The following TYK2 variants were observed in gnomAD, a reference collection of about 807,000 sequenced individuals.
TYK2 encodes the protein non-receptor tyrosine-protein kinase TYK2.
TYK2 carries 65 observed loss-of-function variants against 130.9 expected under a neutral mutation model. The ratio of observed to expected loss-of-function variants is 0.50; its 90% CI spans 0.41 to 0.61. The LOEUF (loss-of-function observed/expected upper bound fraction) is 0.61. Ranked by LOEUF, TYK2 falls within the 20% of genes least tolerant of loss-of-function variation. TYK2 has a pLI of 0.00. For synonymous variants in TYK2, 647 were observed against 658.9 expected (o/e 0.98, Z 0.28); for missense variants, 1,378 against 1,610.7 (o/e 0.86, Z 2.47).
rs1275439476 is a variant in TYK2, at chr19:10,365,585, C to T, written c.943G>A (p.Glu315Lys). 9.9e-6 allele frequency: 16 copies of T among 1,614,114 alleles called. No homozygotes were observed. Among genetic ancestry groups the T allele is most frequent in the South Asian group, 2.2e-5 (2 of 91,082 alleles). Reference sequence around the variant, plus strand: ...CCACCAGTGCCTGTCACCAGCACCTCGTGGGTTGGGGGCCCAGCAGCAGAC... The same window carrying T: ...CCACCAGTGCCTGTCACCAGCACCTTGTGGGTTGGGGGCCCAGCAGCAGAC... Reference protein sequence around the residue: ...PESAAGPPTHEVLVTGTGGIQ... With the variant: ...PESAAGPPTHKVLVTGTGGIQ... Residue 315 changes from glutamate (E) to lysine (K), a missense_variant, in exon 7 of 25, where the codon GAG becomes AAG. Transcript: ENST00000525621.
intron 6 of TYK2, 30 bp from the exon 7 acceptor site, chr19:10,365,928 A>G: frequency 6.3e-7 from 1 of 1,578,650 alleles, no homozygotes; most frequent in Non-Finnish European, 8.6e-7. Flanking sequence ...GGGGCTGGTC[A>G]GGGACCTGGG....
At position 10,368,476 on chromosome 19, in the gene TYK2, A is replaced by AGACCCCCCAGACCCACT. The variant is rs1320624578; in HGVS notation, c.194-59_194-58insAGTGGGTCTGGGGGGTC. On this transcript the variant is annotated intron_variant, in intron 3 of 24. Transcript: ENST00000525621. The stretch of plus-strand genomic sequence containing the variant: ...CGTCATTTGCTACCGTCAGCCCCAA[A>AGACCCCCCAGACCCACT]GACCCCCCAGACCCAATGTCTGCCT... 48 of 1,610,764 alleles carry AGACCCCCCAGACCCACT rather than the reference A, an allele frequency of 3.0e-5. 1 individual carries two copies. The African/African-American group carries it at 3.6e-4, about 12-fold the overall frequency.
At chr19:10,352,656 T>C (rs1401759896) in intron 22 of TYK2, 105 bp from the exon 23 acceptor site, 3 of 743,626 alleles carry the variant, frequency 4.0e-6, no homozygotes, top group Non-Finnish European at 2.3e-6. Flanking sequence ...CTGGGCTCAG[T>C]TGGGACCCAC....
At position 10,352,550 on chromosome 19, in the gene TYK2, A is replaced by G; in HGVS notation, c.3202T>C (p.Tyr1068His). The change falls in exon 23 of 25, where the codon TAT becomes CAT. Residue 1068 changes from tyrosine to histidine, a missense_variant and splice_region_variant. By Grantham distance (83) the Tyr-to-His change is moderately conservative. Coordinates refer to ENST00000525621, the MANE Select transcript of TYK2 (RefSeq NM_003331.5). ...REDGDSPVFWYAPECLKEYKF... is the reference protein window; with the variant it reads ...REDGDSPVFWHAPECLKEYKF... ...TACTCCTTCAGGCACTCTGGGGCAT[A>G]CCTAGGGGGAGGGGGGCACTCAGGC... 7.6e-7 allele frequency: 1 copy of G among 1,307,268 alleles called. No homozygotes were observed. Among genetic ancestry groups the G allele is most frequent in the Non-Finnish European group, 1.0e-6 (1 of 969,964 alleles). The allele number at this position is 1,307,268 out of a possible 1,614,324, so 81.0% of individuals were successfully genotyped here. A position where few individuals can be genotyped will look rare whatever the true frequency, so the allele number is the denominator to read the frequency against.
chr19:10,357,893 C>T lies in TYK2; in HGVS notation c.2337G>A (p.Leu779=). ...CCCCACCTGGTAGGCATTCGGGGGCCAGCCAGGGGATCCTCTCCACCCGCT... is the reference window on the plus strand; with the variant it reads ...CCCCACCTGGTAGGCATTCGGGGGCTAGCCAGGGGATCCTCTCCACCCGCT... ...REERVERIPW[L]APECLPGGAN... is the part of the protein sequence containing the mutation. Residue 779 remains leucine (L), a synonymous_variant, in exon 17 of 25, where the codon CTG becomes CTA. Coordinates refer to ENST00000525621, the MANE Select transcript of TYK2 (RefSeq NM_003331.5). 1 of 1,613,554 alleles carries T rather than the reference C, an allele frequency of 6.2e-7. No homozygotes were observed. Among genetic ancestry groups the T allele is most frequent in the Non-Finnish European group, 8.5e-7 (1 of 1,180,034 alleles).
chr19:10,370,413 T>C (rs1038418224), intron 3 of TYK2, among the ~76,000 whole-genome samples: 12 of 145,812 alleles, frequency 8.2e-5, no homozygotes, highest in African/African-American at 3.1e-4. Context: ...ACTCCGGAGG[T>C]TGACGCAGGA....
intron 3 of TYK2, among the ~76,000 whole-genome samples, chr19:10,372,478 ATATATATTT>A (rs2041953672): frequency 1.6e-5 from 1 of 64,386 alleles, no homozygotes; most frequent in African/African-American, 1.0e-4. Context: ...ATATATATAT[ATATATATTT>A]TTTTTTTTTT....
At position 10,361,075 on chromosome 19, in the gene TYK2, T is replaced by A; in HGVS notation, c.2047+436A>T. 1 of 468,196 alleles carries A rather than the reference T, an allele frequency of 2.1e-6. No individual in the cohort carries two copies. The highest frequency in any genetic ancestry group is 1.6e-5 in the South Asian group (1 of 63,816). 29.0% of individuals were successfully genotyped at this position (468,196 alleles called of 1,614,324 possible). ...CCTATACAAGGAGTTTTGAGCTACC[T>A]GCAGAGGAAAGGAAGAGGTGGGGTT... On this transcript the variant is annotated intron_variant, in intron 14 of 24. Coordinates refer to ENST00000525621, the MANE Select transcript of TYK2 (RefSeq NM_003331.5). The surrounding 1 kb of genome is among the most constrained non-coding windows in gnomAD (Gnocchi z 4.0).
At position 10,367,926 on chromosome 19, in the gene TYK2, A is replaced by AT. The variant is rs2041741232; in HGVS notation, c.465+128_465+129insA. The AT allele has an allele frequency of 6.1e-6, 7 of 1,154,354 alleles. No homozygotes were observed. In the Admixed American group the frequency reaches 1.6e-4, roughly 27 times the overall value. The allele number at this position is 1,154,354 out of a possible 1,614,324, so 71.5% of individuals were successfully genotyped here. ...CAGAGCAAGACTCCGTCTCAAAAAA[A>AT]AAAAAAAGATCCCCAGATAGCATGA... On this transcript the variant is annotated intron_variant, in intron 5 of 24. Transcript: ENST00000525621.
chr19:10,375,336 G>T (rs1016628070), intron 3 of TYK2, among the ~76,000 whole-genome samples: 1 of 152,142 alleles, frequency 6.6e-6, no homozygotes, highest in Non-Finnish European at 1.5e-5. Context: ...GCCTTTCCTT[G>T]GTTGGGCATG....
chr19:10,368,033 G>C lies in TYK2; in HGVS notation c.465+22C>G, dbSNP rs771507528. On this transcript the variant is annotated intron_variant, in intron 5 of 24. Coordinates refer to ENST00000525621, the MANE Select transcript of TYK2 (RefSeq NM_003331.5). ...CCCTAAGTCTCCCACAAATAGTCTT[G>C]CCACCCCAGCCCTGCTCATACCTGC... 6.8e-6 allele frequency: 11 copies of C among 1,613,672 alleles called. No individual in the cohort carries two copies. In the African/African-American group the frequency reaches 1.5e-4, roughly 22 times the overall value.
chr19:10,365,482 C>G (rs911866923), intron 7 of TYK2, 35 bp downstream of exon 7: 11 of 1,611,954 alleles, frequency 6.8e-6, no homozygotes, highest in Non-Finnish European at 9.3e-6. Flanking sequence ...CCAGCCCAAC[C>G]TGAACCCCCA....
rs1234035792 is a variant in TYK2, at chr19:10,354,144, A to G, written c.2806T>C (p.Cys936Arg). 3 of 1,613,852 alleles carry G rather than the reference A, an allele frequency of 1.9e-6. No individual in the cohort carries two copies. In the African/African-American group the frequency reaches 4.0e-5, roughly 22 times the overall value. The change falls in exon 20 of 25, where the codon TGC (cysteine) becomes CGC (arginine). Residue 936 changes from cysteine to arginine, a missense_variant. Transcript: ENST00000525621. ...CAGCCCGAGCGGTGCTGGGGGCCGC[A>G]GTCTGCCTTGAGGGCTTTCACCGCC... Reference protein sequence around the residue: ...MVAVKALKADCGPQHRSGWKQ... With the variant: ...MVAVKALKADRGPQHRSGWKQ...
At position 10,364,374 on chromosome 19, in the gene TYK2, G is replaced by C. The variant is rs2041548724; in HGVS notation, c.1367+240C>G. ...AAAATACAAAAATTAGCCTGGCATG[G>C]TGGCGAGTGCCTGTAGTCCCAGGTA... On this transcript the variant is annotated intron_variant, in intron 9 of 24. Coordinates refer to ENST00000525621, the MANE Select transcript of TYK2 (RefSeq NM_003331.5). This position sits in a 1 kb window ranked among gnomAD's most constrained non-coding sequence, Gnocchi z 4.9. Among the ~76,000 whole-genome samples, 1 of 152,122 alleles carries C rather than the reference G, an allele frequency of 6.6e-6. No individual in the cohort carries two copies. Among genetic ancestry groups the C allele is most frequent in the Admixed American group, 6.6e-5 (1 of 15,264 alleles).
chr19:10,373,862 T>C (rs1287036803), intron 3 of TYK2, among the ~76,000 whole-genome samples: 1 of 152,074 alleles, frequency 6.6e-6, no homozygotes. Context: ...CCAGTCACCC[T>C]GAAGGTCTTT....
rs754300804 is a variant in TYK2, at chr19:10,364,686, T to C, written c.1295A>G (p.His432Arg). ...GYFRLTADSS[H>R]YLCHEVAPPR... ...GGGAGCCACCTCGTGGCACAGGTAG[T>C]GGCTGGAGTCGGCCGTCAGGCGGAA... Residue 432 changes from histidine to arginine, a missense_variant, in exon 9 of 25, where the codon CAC (histidine) becomes CGC (arginine). Transcript: ENST00000525621. The surrounding 1 kb of genome is among the most constrained non-coding windows in gnomAD (Gnocchi z 4.9). The C allele has an allele frequency of 6.2e-7, 1 of 1,613,822 alleles. No individual in the cohort carries two copies. Among genetic ancestry groups the C allele is most frequent in the Non-Finnish European group, 8.5e-7 (1 of 1,179,990 alleles).
At position 10,362,137 on chromosome 19, in the gene TYK2, T is replaced by G. The variant is rs1461063359; in HGVS notation, c.1714A>C (p.Arg572=). The G allele has an allele frequency of 6.2e-7, 1 of 1,614,028 alleles. No homozygotes were observed. The change falls in exon 12 of 25, where the codon AGG becomes CGG. Residue 572 remains arginine, a synonymous_variant. Transcript: ENST00000525621. ...CTGAGCTGGCTGAGGTTGAGTGTCC[T>G]GGGGCTGGCCCGAGCCCCCCGCATG... ...IIMRGARASP[R]TLNLSQLSFH... is the part of the protein sequence containing the mutation.
intron 2 of TYK2, among the ~76,000 whole-genome samples, chr19:10,378,881 T>TC (rs1454829564): frequency 7.4e-5 from 11 of 148,692 alleles, no homozygotes; most frequent in Non-Finnish European, 1.0e-4. Flanking sequence ...TCTTATCTTA[T>TC]TTTTGAGACA....
chr19:10,356,482 G>A, intron 18 of TYK2, 86 bp downstream of exon 18: 2 of 1,560,610 alleles, frequency 1.3e-6, no homozygotes, highest in Admixed American at 1.7e-5. Flanking sequence ...CCACTGTGCA[G>A]AGACCTCTCG....
Sources: allele counts gnomAD v4.1 joint callset (sites outside exome capture counted in the v4.1 genomes callset), GRCh38; gene constraint gnomAD v4.1.1; non-coding constraint Gnocchi (gnomAD v3.1); transcripts MANE v1.5; gene names NCBI Gene and HGNC (gene_info 2026-07-23, HGNC 2026-07-21).